Variants in DCC observed in about 807,000 individuals in gnomAD.
DCC encodes the protein DCC netrin 1 receptor.
In DCC, 58 loss-of-function variants were observed where a neutral mutation model predicts 172.5. That is an observed-to-expected ratio of 0.34 (90% confidence interval 0.27 to 0.42). The LOEUF (loss-of-function observed/expected upper bound fraction) is 0.42. DCC is among the 10% of genes least tolerant of loss of function. The probability of loss-of-function intolerance (pLI) is 1.00; values close to 1 mark genes in which losing one functional copy is unlikely to be tolerated. For synonymous variants in DCC, 709 were observed against 644.5 expected (o/e 1.10, Z -1.52); for missense variants, 1,740 against 1,791.0 (o/e 0.97, Z 0.51).
intron 22 of DCC, among the ~76,000 whole-genome samples, chr18:53,446,096 T>TAGAAAAA (rs1167100791): frequency 2.6e-3 from 37 of 14,418 alleles, no homozygotes; most frequent in African/African-American, 7.9e-3. Flanking sequence ...ACCCTGTCTC[T>TAGAAAAA]ACAAAAAAAA....
At chr18:53,265,688 T>A (rs1282960587) in intron 12 of DCC, among the ~76,000 whole-genome samples, 2 of 152,226 alleles carry the variant, frequency 1.3e-5, no homozygotes, top group African/African-American at 2.4e-5. Context: ...AAAATGCCAA[T>A]GCAGGATAGG....
At chr18:52,755,710 G>A (rs55817289) in intron 2 of DCC, among the ~76,000 whole-genome samples, 15,892 of 152,094 alleles carry the variant, frequency 0.1, 2,764 homozygotes, top group African/African-American at 0.36. Context: ...AGTAGGCTTT[G>A]CTTGGGTAAA....
At chr18:53,135,598 A>G (rs1326499489) in intron 7 of DCC, among the ~76,000 whole-genome samples, 3 of 152,256 alleles carry the variant, frequency 2.0e-5, no homozygotes, top group East Asian at 3.9e-4. Flanking sequence ...TAGGGCTGAC[A>G]GCTGCTTTCA....
chr18:53,294,494 C>A (rs1053799508), intron 12 of DCC, among the ~76,000 whole-genome samples: 1 of 152,136 alleles, frequency 6.6e-6, no homozygotes, highest in African/African-American at 2.4e-5. Context: ...TGGTTCAGAG[C>A]GCTAAATCAG....
At chr18:52,547,223 C>T (rs573765456) in intron 1 of DCC, among the ~76,000 whole-genome samples, 1 of 152,298 alleles carries the variant, frequency 6.6e-6, no homozygotes, top group South Asian at 2.1e-4. Context: ...AATTGGCAAG[C>T]TGCTCTATGC....
intron 13 of DCC, among the ~76,000 whole-genome samples, chr18:53,312,450 T>G (rs2057286108): frequency 6.6e-6 from 1 of 151,596 alleles, no homozygotes; most frequent in Admixed American, 6.6e-5. Context: ...CTGGCCAAAT[T>G]ATTTAAATTT....
At chr18:52,505,025 C>A (rs1943131325) in intron 1 of DCC, among the ~76,000 whole-genome samples, 1 of 152,110 alleles carries the variant, frequency 6.6e-6, no homozygotes, top group South Asian at 2.1e-4. Context: ...GTTTTTCTTT[C>A]TAAAGACACA....
chr18:52,377,676 GA>G (rs1291090304), intron 1 of DCC, among the ~76,000 whole-genome samples: 159 of 129,702 alleles, frequency 1.2e-3, no homozygotes, highest in Non-Finnish European at 1.2e-3. Flanking sequence ...CAAAACAACA[GA>G]AAAAAAAAAC....
At chr18:53,002,755 G>A (rs7228076) in intron 5 of DCC, among the ~76,000 whole-genome samples, 27,747 of 151,972 alleles carry the variant, frequency 0.18, 2,953 homozygotes, top group African/African-American at 0.3. Context: ...TAAAAGAAAC[G>A]TTTATTTTTG....
At chr18:52,799,840 TG>T (rs2037950595) in intron 2 of DCC, among the ~76,000 whole-genome samples, 1 of 152,216 alleles carries the variant, frequency 6.6e-6, no homozygotes, top group Non-Finnish European at 1.5e-5. Flanking sequence ...CTATTATAAT[TG>T]AATCACTTAC....
chr18:52,730,258 G>A (rs2036617679), intron 1 of DCC, among the ~76,000 whole-genome samples: 1 of 152,070 alleles, frequency 6.6e-6, no homozygotes, highest in Non-Finnish European at 1.5e-5. Flanking sequence ...AAGGTACTGG[G>A]ATCTAGTGAG....
At chr18:53,243,920 C>G (rs1356550365) in intron 12 of DCC, among the ~76,000 whole-genome samples, 2 of 152,120 alleles carry the variant, frequency 1.3e-5, no homozygotes, top group East Asian at 3.9e-4. Context: ...AGCTTATGAA[C>G]TGTCCTCAGA....
chr18:53,100,560 G>T (rs2043157733), intron 7 of DCC, among the ~76,000 whole-genome samples: 1 of 151,804 alleles, frequency 6.6e-6, no homozygotes. Flanking sequence ...GGGAAGAAAG[G>T]GAGTAGAGTC....
At chr18:52,997,964 C>A (rs2041508833) in intron 5 of DCC, among the ~76,000 whole-genome samples, 6 of 152,048 alleles carry the variant, frequency 3.9e-5, no homozygotes. Flanking sequence ...CCTCATCTCT[C>A]AGGTTCAACC....
At chr18:53,066,555 A>G (rs577264649) in intron 7 of DCC, among the ~76,000 whole-genome samples, 1 of 150,446 alleles carries the variant, frequency 6.6e-6, no homozygotes, top group South Asian at 2.1e-4. Flanking sequence ...TCTTCCCAGC[A>G]TTCCATTTAA....
intron 11 of DCC, among the ~76,000 whole-genome samples, chr18:53,212,640 T>C (rs1301614535): frequency 6.6e-6 from 1 of 152,132 alleles, no homozygotes; most frequent in Non-Finnish European, 1.5e-5. Flanking sequence ...TTTAGCAGAA[T>C]TGTATTTTAT....
At chr18:53,352,627 G>A (rs2144908062) in intron 15 of DCC, among the ~76,000 whole-genome samples, 1 of 152,136 alleles carries the variant, frequency 6.6e-6, no homozygotes, top group East Asian at 1.9e-4. Context: ...TAATTACAGT[G>A]GGTTTTTTGT....
intron 1 of DCC, among the ~76,000 whole-genome samples, chr18:52,667,124 G>T (rs576445549): frequency 6.6e-6 from 1 of 152,100 alleles, no homozygotes; most frequent in Non-Finnish European, 1.5e-5. Flanking sequence ...CTGAAGATAG[G>T]CCCAAATGAG....
Position 53,035,700 on chromosome 18 carries a change from T to C in DCC, c.986-27605T>C, listed in dbSNP as rs192893066. On this transcript the variant is annotated intron_variant, in intron 5 of 28. Coordinates refer to ENST00000442544, the MANE Select transcript of DCC (RefSeq NM_005215.4). The stretch of plus-strand genomic sequence containing the variant: ...CGCAGCAGGGGCTGGCTCCATTCTT[T>C]GGTATGATCATGTAACGGGGTAGTT... 3.9e-4 allele frequency among the ~76,000 whole-genome samples: 59 copies of C among 152,186 alleles called. No individual in the cohort carries two copies. In the East Asian group the frequency reaches 0.01, roughly 27 times the overall value.
Sources: allele counts gnomAD v4.1 joint callset (sites outside exome capture counted in the v4.1 genomes callset), GRCh38; gene constraint gnomAD v4.1.1; transcripts MANE v1.5; gene names NCBI Gene and HGNC (gene_info 2026-07-23, HGNC 2026-07-21).